The following FAM184A variants were observed in gnomAD, a reference collection of about 807,000 sequenced individuals.
FAM184A encodes family with sequence similarity 184 member A.
Under a neutral mutation model 143.8 loss-of-function variants are expected in FAM184A, and 99 were observed. The observed-to-expected ratio is 0.69, with a 90% confidence interval of 0.58 to 0.81. FAM184A has a LOEUF of 0.81. Among genes scored for constraint, FAM184A ranks in the 40% least tolerant of loss-of-function variants. The probability of loss-of-function intolerance (pLI) is 0.00; values close to 1 mark genes in which losing one functional copy is unlikely to be tolerated. For synonymous variants in FAM184A, 427 were observed against 446.4 expected (o/e 0.96, Z 0.55); for missense variants, 1,217 against 1,310.5 (o/e 0.93, Z 1.10).
chr6:118,975,261 T>C (rs944513149), intron 12 of FAM184A, 53 bp from the exon 13 acceptor site: 34 of 1,291,020 alleles, frequency 2.6e-5, no homozygotes, highest in Non-Finnish European at 3.5e-5. Context: ...TTGATTTCTG[T>C]GTTTATCTGC....
intron 1 of FAM184A, among the ~76,000 whole-genome samples, chr6:119,076,423 T>C (rs911551908): frequency 6.6e-6 from 1 of 152,108 alleles, no homozygotes; most frequent in South Asian, 2.1e-4. Flanking sequence ...CTTGTCTCAT[T>C]AGATATGAGG....
At chr6:119,093,391 G>A (rs112422298) in intron 1 of FAM184A, among the ~76,000 whole-genome samples, 37 of 152,266 alleles carry the variant, frequency 2.4e-4, no homozygotes, top group African/African-American at 4.3e-4. Context: ...GGATGTTACC[G>A]TGAGTCACGG....
chr6:119,060,376 C>A (rs1787183857), intron 1 of FAM184A, among the ~76,000 whole-genome samples: 1 of 152,098 alleles, frequency 6.6e-6, no homozygotes, highest in Non-Finnish European at 1.5e-5. Flanking sequence ...AAAACATGGG[C>A]AAGGCAGCTA....
At chr6:119,002,778 G>T in intron 9 of FAM184A, 121 bp downstream of exon 9, 1 of 888,108 alleles carries the variant, frequency 1.1e-6, no homozygotes, top group Non-Finnish European at 1.7e-6. Flanking sequence ...ATTTTTAGAA[G>T]TTTTAAGTTT....
At chr6:119,053,835 G>A (rs997173692) in intron 1 of FAM184A, among the ~76,000 whole-genome samples, 7 of 152,188 alleles carry the variant, frequency 4.6e-5, no homozygotes, top group Non-Finnish European at 1.0e-4. Flanking sequence ...AAACAGAGTA[G>A]TATTATCCCA....
chr6:119,078,784 A>AAGCCCCGCCC (rs1310562456), upstream of FAM184A: 3 of 152,996 alleles, frequency 2.0e-5, no homozygotes, highest in African/African-American at 7.3e-5. The surrounding 1 kb of genome is among the most constrained non-coding windows in gnomAD (Gnocchi z 5.5). Context: ...CCCCGCAGCC[A>AAGCCCCGCCC]AGCCCCGCCC....
At chr6:118,989,055 G>A (rs1273206630) in intron 9 of FAM184A, among the ~76,000 whole-genome samples, 2 of 143,376 alleles carry the variant, frequency 1.4e-5, no homozygotes, top group East Asian at 2.1e-4. Context: ...TCCGCCTCCC[G>A]GGTTCAAGTC....
chr6:119,016,969 A>C, intron 4 of FAM184A, 25 bp from the exon 5 acceptor site: 1 of 1,512,316 alleles, frequency 6.6e-7, no homozygotes, highest in Non-Finnish European at 9.1e-7. Flanking sequence ...AAGATCAATA[A>C]TCGGCACCTG....
rs72953073 is a variant in FAM184A, at chr6:119,057,465, G to A, written c.159+20676C>T. ...TTTAAAATGGCAAAGAAGGCTGGGC[G>A]CAGTGGCTCATGCTTGTAATCCCAA... On this transcript the variant is annotated intron_variant, in intron 1 of 17. Transcript: ENST00000338891. Among the ~76,000 whole-genome samples, 731 of 152,294 alleles carry A rather than the reference G, an allele frequency of 4.8e-3. 7 individuals carry two copies. The highest frequency in any genetic ancestry group is 5.4e-3 in the Non-Finnish European group (370 of 68,024).
chr6:119,143,961 C>T (rs1437679340), intron 1 of FAM184A, among the ~76,000 whole-genome samples: 1 of 152,002 alleles, frequency 6.6e-6, no homozygotes, highest in Non-Finnish European at 1.5e-5. Context: ...AAGAGATGTG[C>T]ATGGGGCTTT....
chr6:119,099,611 T>A (rs967676855), intron 1 of FAM184A, among the ~76,000 whole-genome samples: 10 of 152,138 alleles, frequency 6.6e-5, no homozygotes, highest in Non-Finnish European at 1.3e-4. Context: ...CTCCACCCAA[T>A]CTATTAGTAT....
intron 1 of FAM184A, among the ~76,000 whole-genome samples, chr6:119,039,966 C>T (rs1034058658): frequency 2.0e-5 from 3 of 152,194 alleles, no homozygotes; most frequent in South Asian, 2.1e-4. Flanking sequence ...ACACACTACG[C>T]GTGCTCTGCA....
intron 9 of FAM184A, among the ~76,000 whole-genome samples, chr6:118,981,249 A>G (rs1784012942): frequency 1.3e-5 from 2 of 152,216 alleles, no homozygotes; most frequent in Non-Finnish European, 2.9e-5. Context: ...TGATAAAACC[A>G]TTTAATTGAC....
intron 16 of FAM184A, chr6:118,962,707 A>C (rs976685597): frequency 2.0e-5 from 3 of 152,168 alleles, no homozygotes; most frequent in Admixed American, 6.6e-5. Flanking sequence ...AAATTAAGAG[A>C]TAAAAAGACA....
chr6:119,027,344 A>G (rs1785669646), intron 1 of FAM184A, among the ~76,000 whole-genome samples: 1 of 152,200 alleles, frequency 6.6e-6, no homozygotes, highest in Admixed American at 6.5e-5. Context: ...AAGTTTGGCA[A>G]AATAAACCTC....
chr6:118,999,508 T>G (rs1327576920), intron 9 of FAM184A, among the ~76,000 whole-genome samples: 1 of 152,116 alleles, frequency 6.6e-6, no homozygotes, highest in African/African-American at 2.4e-5. Flanking sequence ...AATATACACA[T>G]ATGTTTAATA....
Position 119,023,187 on chromosome 6 carries a change from ACT to A in FAM184A, c.1015-109_1015-108del, listed in dbSNP as rs966102932. ...TTCTCTTATTCAGAAGTCATACTAA[ACT>A]ATATACCAATTTTTAAATCTGTAAG... On this transcript the variant is annotated intron_variant, in intron 2 of 17. Transcript: ENST00000338891. 91 of 1,135,326 alleles carry A rather than the reference ACT, an allele frequency of 8.0e-5. 1 individual carries two copies. The African/African-American group carries it at 1.4e-3, about 17-fold the overall frequency. 70.3% of individuals were successfully genotyped at this position (1,135,326 alleles called of 1,614,324 possible).
chr6:119,073,886 G>A (rs1476851822), intron 1 of FAM184A, among the ~76,000 whole-genome samples: 2 of 152,162 alleles, frequency 1.3e-5, no homozygotes, highest in Non-Finnish European at 2.9e-5. Context: ...TGGCCTCTAC[G>A]GAAGAGTGAA....
intron 2 of FAM184A, 67 bp from the exon 3 acceptor site, chr6:119,023,147 TTA>T: frequency 6.5e-7 from 1 of 1,547,022 alleles, no homozygotes; most frequent in Non-Finnish European, 8.9e-7. Flanking sequence ...TTCATTTAAA[TTA>T]TAAGGGTCAG....
Sources: allele counts gnomAD v4.1 joint callset (sites outside exome capture counted in the v4.1 genomes callset), GRCh38; gene constraint gnomAD v4.1.1; non-coding constraint Gnocchi (gnomAD v3.1); transcripts MANE v1.5; gene names NCBI Gene and HGNC (gene_info 2026-07-23, HGNC 2026-07-21).